BORCS5: variants seen among roughly 807,000 people sequenced by gnomAD.
BORCS5 encodes the protein BLOC-1-related complex subunit 5.
Under a neutral mutation model 22.1 loss-of-function variants are expected in BORCS5, and 17 were observed. The observed-to-expected ratio is 0.77, with a 90% CI of 0.53 to 1.15. BORCS5 has a LOEUF of 1.15. Among genes scored for constraint, BORCS5 ranks in the 50% most tolerant of loss-of-function variants. The pLI, the probability that BORCS5 is intolerant of heterozygous loss-of-function variation, is 0.00. For synonymous variants in BORCS5, 117 were observed against 99.8 expected (o/e 1.17, Z -1.03); for missense variants, 247 against 253.2 (o/e 0.98, Z 0.17).
intron 2 of BORCS5, among the ~76,000 whole-genome samples, chr12:12,410,337 T>C (rs1172366983): frequency 6.6e-6 from 1 of 152,254 alleles, no homozygotes; most frequent in South Asian, 2.1e-4. Flanking sequence ...CTAGGTTTTC[T>C]TCTAGGGTTT....
rs545463007 is a variant in BORCS5, at chr12:12,437,900, A to T, written c.360+2115A>T. Among the ~76,000 whole-genome samples the T allele has an allele frequency of 1.9e-4, 29 of 152,160 alleles. No individual in the cohort carries two copies. The East Asian group carries it at 4.3e-3, about 22-fold the overall frequency. ...ACCTCAGCTTCCTGAGTAGCTTAGG[A>T]CTACAGGTGTATGCCATCACGCCTG... is the stretch of plus-strand genomic sequence containing the variant. On this transcript the variant is annotated intron_variant, in intron 3 of 3. Transcript: ENST00000314565.
chr12:12,446,188 C>T (rs565067476), intron 3 of BORCS5, among the ~76,000 whole-genome samples: 6 of 150,870 alleles, frequency 4.0e-5, no homozygotes, highest in African/African-American at 1.5e-4. Flanking sequence ...CCTTACATTC[C>T]ATTGTGGACA....
chr12:12,447,477 T>C (rs1338566486), intron 3 of BORCS5, among the ~76,000 whole-genome samples: 3 of 152,170 alleles, frequency 2.0e-5, no homozygotes, highest in African/African-American at 7.2e-5. Context: ...CATGGGCCTC[T>C]GGACTCTAGA....
chr12:12,456,204 G>A (rs775402167), intron 3 of BORCS5, among the ~76,000 whole-genome samples: 4 of 152,196 alleles, frequency 2.6e-5, no homozygotes, highest in Non-Finnish European at 5.9e-5. Context: ...GAGGCTGAGC[G>A]GGTGGATGGC....
rs561432305 is a variant in BORCS5, at chr12:12,422,384, C to A, written c.203-13244C>A. 5.7e-5 allele frequency among the ~76,000 whole-genome samples: 8 copies of A among 141,414 alleles called. No individual in the cohort carries two copies. In the East Asian group the frequency reaches 1.5e-3, roughly 26 times the overall value. The allele number at this position is 141,414 out of a possible 152,430, so 92.8% of individuals were successfully genotyped here. On this transcript the variant is annotated intron_variant, in intron 2 of 3. Transcript: ENST00000314565. The stretch of plus-strand genomic sequence containing the variant: ...ACTCCAGCACTTTGGAAGGCCCAGG[C>A]AGGCAGATCACCTGAGGTCAGGCGT...
At chr12:12,422,229 A>T (rs1942147578) in intron 2 of BORCS5, among the ~76,000 whole-genome samples, 1 of 151,452 alleles carries the variant, frequency 6.6e-6, no homozygotes, top group East Asian at 1.9e-4. Context: ...TATATTTAAG[A>T]TCCTAACGTG....
In BORCS5 at chr12:12,465,531, C is replaced by CT. The variant is rs572520637; in HGVS notation, c.361-12dup. On this transcript the variant is annotated splice_polypyrimidine_tract_variant and intron_variant, in intron 3 of 3. Transcript: ENST00000314565. ...ATTAAACAAGGTATAATGTACTTCT[C>CT]TTTCCCATCCACAGATGGATCTGTC... is the stretch of plus-strand genomic sequence containing the variant. 1.2e-6 allele frequency: 2 copies of CT among 1,612,462 alleles called. No homozygotes were observed. The highest frequency in any genetic ancestry group is 4.5e-5 in the East Asian group (2 of 44,856).
At chr12:12,362,604 T>C (rs1042085860) in intron 2 of BORCS5, among the ~76,000 whole-genome samples, 4 of 146,534 alleles carry the variant, frequency 2.7e-5, no homozygotes, top group South Asian at 2.2e-4. Flanking sequence ...CTGGCTCTTA[T>C]GTAAAACAAC....
chr12:12,405,821 G>A (rs1303816986), intron 2 of BORCS5, among the ~76,000 whole-genome samples: 1 of 152,212 alleles, frequency 6.6e-6, no homozygotes, highest in African/African-American at 2.4e-5. Context: ...AGAAACTGAA[G>A]TTAAGTACAT....
intron 3 of BORCS5, among the ~76,000 whole-genome samples, chr12:12,460,273 T>A (rs1943078914): frequency 6.6e-6 from 1 of 152,250 alleles, no homozygotes; most frequent in Non-Finnish European, 1.5e-5. Flanking sequence ...CCGACGCAGT[T>A]GTAAATAGTA....
chr12:12,429,874 G>A (rs150921796), intron 2 of BORCS5, among the ~76,000 whole-genome samples: 162 of 152,256 alleles, frequency 1.1e-3, no homozygotes, highest in African/African-American at 3.8e-3. Context: ...GCTTCCTCAT[G>A]CACCTTAGAA....
intron 2 of BORCS5, among the ~76,000 whole-genome samples, chr12:12,408,399 A>G (rs1941640406): frequency 6.6e-6 from 1 of 152,206 alleles, no homozygotes; most frequent in Admixed American, 6.5e-5. Context: ...GGTAAAATAC[A>G]CTTGACATGA....
chr12:12,420,571 A>G (rs878912591), intron 2 of BORCS5, among the ~76,000 whole-genome samples: 2 of 152,160 alleles, frequency 1.3e-5, no homozygotes, highest in Admixed American at 1.3e-4. Flanking sequence ...GTTTTTTCCA[A>G]TTCTGTGAAG....
intron 3 of BORCS5, among the ~76,000 whole-genome samples, chr12:12,448,139 C>T (rs1055064351): frequency 3.9e-5 from 6 of 152,230 alleles, no homozygotes; most frequent in African/African-American, 1.2e-4. Context: ...TCAGAGCTAA[C>T]GTCCACCTTC....
chr12:12,446,853 T>C (rs1037784966), intron 3 of BORCS5, among the ~76,000 whole-genome samples: 1 of 152,146 alleles, frequency 6.6e-6, no homozygotes, highest in East Asian at 1.9e-4. Flanking sequence ...GCATAATGAA[T>C]GTGGAAGGAC....
At chr12:12,370,441 A>G (rs1358612228) in intron 2 of BORCS5, among the ~76,000 whole-genome samples, 1 of 152,144 alleles carries the variant, frequency 6.6e-6, no homozygotes, top group Non-Finnish European at 1.5e-5. Context: ...ATGAAATCTC[A>G]TTTTTTAATC....
chr12:12,362,750 C>T (rs1221138832), intron 2 of BORCS5, among the ~76,000 whole-genome samples: 1 of 147,532 alleles, frequency 6.8e-6, no homozygotes, highest in Non-Finnish European at 1.5e-5. Context: ...AGTGATTCTC[C>T]TGCCTCAGCC....
chr12:12,369,616 T>TTGATA (rs1453575522), intron 2 of BORCS5, among the ~76,000 whole-genome samples: 1 of 151,986 alleles, frequency 6.6e-6, no homozygotes, highest in East Asian at 1.9e-4. Flanking sequence ...CAATATAGTC[T>TTGATA]TGATATTTAT....
chr12:12,447,975 T>G (rs997208187), intron 3 of BORCS5, among the ~76,000 whole-genome samples: 6 of 152,124 alleles, frequency 3.9e-5, no homozygotes, highest in Non-Finnish European at 7.4e-5. Context: ...ACAGCAGCAA[T>G]AATGTTGCAG....
Sources: allele counts gnomAD v4.1 joint callset (sites outside exome capture counted in the v4.1 genomes callset), GRCh38; gene constraint gnomAD v4.1.1; transcripts MANE v1.5; gene names NCBI Gene and HGNC (gene_info 2026-07-23, HGNC 2026-07-21).